MYH16: variants seen among roughly 807,000 people sequenced by gnomAD.
MYH16 encodes myosin heavy chain 16.
Position 99,280,874 on chromosome 7 carries a change from A to G in MYH16, n.2888-2A>G. ...TACCTCTCTCCCTGCCCTGGTTTCT[A>G]GGCCCTGGATCACAAGGTCCGTACC... is the stretch of plus-strand genomic sequence containing the variant. On this transcript the variant is annotated splice_acceptor_variant and non_coding_transcript_variant, in intron 22 of 41. Coordinates refer to ENST00000439784, the Ensembl canonical transcript of MYH16. 2.9e-6 allele frequency: 1 copy of G among 349,786 alleles called. No homozygotes were observed. Among genetic ancestry groups the G allele is most frequent in the Non-Finnish European group, 5.7e-6 (1 of 176,768 alleles). 21.7% of individuals were successfully genotyped at this position (349,786 alleles called of 1,614,324 possible). A position where few individuals can be genotyped will look rare whatever the true frequency, so the allele number is the denominator to read the frequency against.
intron 20 of MYH16, among the ~76,000 whole-genome samples, chr7:99,274,219 C>A (rs112857491): frequency 0.02 from 3,055 of 152,322 alleles, 115 homozygotes; most frequent in African/African-American, 0.071. Context: ...AGCCAGGCCA[C>A]CCTCAACCAA....
chr7:99,268,698 G>A (rs1446199059), intron 18 of MYH16, among the ~76,000 whole-genome samples: 1 of 152,198 alleles, frequency 6.6e-6, no homozygotes, highest in Admixed American at 6.5e-5. Context: ...GCTCAGGTGG[G>A]CCCCACCCCC....
At chr7:99,296,312 G>C (rs11977673) in intron 33 of MYH16, among the ~76,000 whole-genome samples, 12,873 of 152,174 alleles carry the variant, frequency 0.085, 731 homozygotes, top group African/African-American at 0.17. Context: ...TCTAAGAATA[G>C]TAAGTTTTGA....
chr7:99,301,235 A>G (rs1792590717), intron 37 of MYH16, among the ~76,000 whole-genome samples: 1 of 150,150 alleles, frequency 6.7e-6, no homozygotes, highest in Non-Finnish European at 1.5e-5. Context: ...GAGAGAAATA[A>G]GAGGACAGAA....
chr7:99,283,986 T>G, exon 25 of MYH16: 1 of 454,590 alleles, frequency 2.2e-6, no homozygotes. Context: ...AGATGGAGCG[T>G]TCCAAGCTGG....
chr7:99,240,271 C>T (rs1791651968), intron 1 of MYH16, among the ~76,000 whole-genome samples: 1 of 152,078 alleles, frequency 6.6e-6, no homozygotes, highest in Non-Finnish European at 1.5e-5. Flanking sequence ...TGGATTCAAA[C>T]CCACTGTATC....
At chr7:99,306,609 G>A (rs1002124592) in exon 42 of MYH16, 4 of 152,636 alleles carry the variant, frequency 2.6e-5, no homozygotes, top group African/African-American at 9.7e-5. Flanking sequence ...TTTGTCACAG[G>A]AGGACCAGGC....
rs535272631 is a variant in MYH16, at chr7:99,279,867, TTTTG to T, written n.2887+142_2887+145del. On this transcript the variant is annotated intron_variant and non_coding_transcript_variant, in intron 22 of 41. Coordinates refer to ENST00000439784, the Ensembl canonical transcript of MYH16. Reference sequence around the variant, plus strand: ...ATGGGGCAGTTTTTTGGGGGTTTTTTTTTGTTTGTTTGTTTTGCGACAGAGTCTC... The same window carrying T: ...ATGGGGCAGTTTTTTGGGGGTTTTTTTTTGTTTGTTTTGCGACAGAGTCTC... 429 of 356,924 alleles carry T rather than the reference TTTTG, an allele frequency of 1.2e-3. 1 individual carries two copies. Among genetic ancestry groups the T allele is most frequent in the African/African-American group, 6.4e-3 (300 of 46,712 alleles). 22.1% of individuals were successfully genotyped at this position (356,924 alleles called of 1,614,324 possible).
intron 23 of MYH16, among the ~76,000 whole-genome samples, chr7:99,282,708 G>GA (rs199933846): frequency 0.011 from 1,657 of 151,364 alleles, 36 homozygotes; most frequent in African/African-American, 0.038. Context: ...CTAAAAACTA[G>GA]AAAAAAAATT....
intron 37 of MYH16, among the ~76,000 whole-genome samples, chr7:99,301,195 CAAAAAAAAAAAAAA>C (rs11315562): frequency 9.2e-5 from 5 of 54,484 alleles, no homozygotes; most frequent in Non-Finnish European, 1.7e-4. Context: ...GACTCTGTCT[CAAAAAAAAAAAAAA>C]AAAAAAAAAG....
chr7:99,276,023 C>T (rs956892363), intron 20 of MYH16, among the ~76,000 whole-genome samples: 7 of 152,210 alleles, frequency 4.6e-5, no homozygotes, highest in Non-Finnish European at 7.3e-5. Context: ...CCACTGCGCC[C>T]GGCCTTTTTA....
At chr7:99,302,721 CAT>C (rs1304864334) in intron 38 of MYH16, among the ~76,000 whole-genome samples, 1 of 151,590 alleles carries the variant, frequency 6.6e-6, no homozygotes, top group African/African-American at 2.4e-5. Flanking sequence ...TCTCTAAAAA[CAT>C]ATGAAAAATT....
At chr7:99,239,756 A>G (rs903901855) in intron 1 of MYH16, among the ~76,000 whole-genome samples, 1 of 152,190 alleles carries the variant, frequency 6.6e-6, no homozygotes, top group African/African-American at 2.4e-5. Context: ...AAGTATTTAT[A>G]CCATGGAAAT....
chr7:99,267,741 G>A (rs1792002052), intron 18 of MYH16, among the ~76,000 whole-genome samples: 1 of 152,132 alleles, frequency 6.6e-6, no homozygotes, highest in Non-Finnish European at 1.5e-5. Flanking sequence ...CCATTTCCTG[G>A]CCCTGCAGCA....
chr7:99,256,691 CTT>C (rs1791876723), intron 9 of MYH16, among the ~76,000 whole-genome samples: 1 of 152,230 alleles, frequency 6.6e-6, no homozygotes, highest in South Asian at 2.1e-4. Context: ...AGGAGAATCA[CTT>C]GAACCCAAGA....
At chr7:99,281,852 G>A (rs1009983185) in intron 23 of MYH16, among the ~76,000 whole-genome samples, 1 of 152,224 alleles carries the variant, frequency 6.6e-6, no homozygotes, top group African/African-American at 2.4e-5. Flanking sequence ...CAAAGAGCCA[G>A]ACAGTGGACC....
chr7:99,287,747 C>A lies in MYH16; in HGVS notation n.3461-145C>A, dbSNP rs115649782. On this transcript the variant is annotated intron_variant and non_coding_transcript_variant, in intron 28 of 41. Coordinates refer to ENST00000439784, the Ensembl canonical transcript of MYH16. The stretch of plus-strand genomic sequence containing the variant: ...AAATCCTGTGGGCAACCCCCACCCC[C>A]CAAAGGCTAAACATTGGCATTTCAA... The A allele has an allele frequency of 8.9e-4, 323 of 361,230 alleles. 1 individual carries two copies. Among genetic ancestry groups the A allele is most frequent in the African/African-American group, 6.4e-3 (301 of 46,926 alleles). The allele number at this position is 361,230 out of a possible 1,614,324, so 22.4% of individuals were successfully genotyped here.
At chr7:99,298,399 AT>A (rs1481963668) in intron 36 of MYH16, among the ~76,000 whole-genome samples, 1 of 151,928 alleles carries the variant, frequency 6.6e-6, no homozygotes, top group Non-Finnish European at 1.5e-5. Flanking sequence ...TGCCCAGCTA[AT>A]TTTTGTATTT....
At chr7:99,287,966 C>T (rs988632686) in exon 29 of MYH16, 13 of 456,532 alleles carry the variant, frequency 2.8e-5, no homozygotes, top group African/African-American at 1.8e-4. Context: ...CCCTGCAGAG[C>T]GAGGCGACGG....
Sources: gnomAD v4.1 joint callset for allele counts (sites outside exome capture counted in the v4.1 genomes callset) on GRCh38, gnomAD v4.1.1 for gene constraint, MANE v1.5 for transcripts, NCBI Gene and HGNC (gene_info 2026-07-23, HGNC 2026-07-21) for gene names.